DCUN1D4: variants seen among roughly 807,000 people sequenced by gnomAD.
DCUN1D4 encodes the protein DCN1-like protein 4.
Under a neutral mutation model 47.9 loss-of-function variants are expected in DCUN1D4, and 22 were observed. The ratio of observed to expected loss-of-function variants is 0.46; its 90% CI spans 0.33 to 0.66. The LOEUF is 0.66. DCUN1D4 is among the 30% of genes least tolerant of loss of function. DCUN1D4 has a pLI of 0.02. For synonymous variants in DCUN1D4, 121 were observed against 112.2 expected, an observed-to-expected ratio of 1.08 and a Z score of -0.50; for missense variants, 301 against 340.8, an observed-to-expected ratio of 0.88 and a Z score of 0.92.
chr4:51,867,692 C>T (rs529419446), intron 3 of DCUN1D4, among the ~76,000 whole-genome samples: 86 of 152,230 alleles, frequency 5.6e-4, no homozygotes, highest in African/African-American at 2.0e-3. Flanking sequence ...GGAGAAAGCA[C>T]GTGCTGATTG....
chr4:51,913,480 T>C (rs1430645540), intron 10 of DCUN1D4, 49 bp from the exon 11 acceptor site: 8 of 1,558,364 alleles, frequency 5.1e-6, no homozygotes, highest in Non-Finnish European at 7.0e-6. Context: ...ACTATTATTA[T>C]TATTGTTATT....
chr4:51,834,082 C>T, the DCUN1D4 span, among the ~76,000 whole-genome samples: 23 of 57,266 alleles, frequency 4.0e-4, no homozygotes, highest in South Asian at 1.4e-3. Flanking sequence ...CTCTCTCTCT[C>T]TCTCTTTTCT....
At chr4:51,876,868 G>A (rs1163917479) in intron 4 of DCUN1D4, among the ~76,000 whole-genome samples, 2 of 151,974 alleles carry the variant, frequency 1.3e-5, no homozygotes, top group African/African-American at 4.8e-5. Context: ...AATAAAAACT[G>A]TATTTATAAA....
At chr4:51,836,567 C>A in the DCUN1D4 span, among the ~76,000 whole-genome samples, 2 of 152,104 alleles carry the variant, frequency 1.3e-5, no homozygotes, top group African/African-American at 4.8e-5. Flanking sequence ...GGGTTCAGAT[C>A]TGAGTGTTGG....
intron 3 of DCUN1D4, among the ~76,000 whole-genome samples, chr4:51,869,196 A>G (rs1261372487): frequency 2.0e-5 from 3 of 148,996 alleles, no homozygotes; most frequent in Non-Finnish European, 4.4e-5. Flanking sequence ...ATGAGTAGGG[A>G]TGATGATGAT....
intron 8 of DCUN1D4, among the ~76,000 whole-genome samples, chr4:51,903,608 C>T (rs957266987): frequency 6.6e-6 from 1 of 152,112 alleles, no homozygotes; most frequent in Non-Finnish European, 1.5e-5. Context: ...TGCTCTTCTG[C>T]GACTACAGTT....
At chr4:51,864,606 C>T (rs1268681575) in intron 3 of DCUN1D4, among the ~76,000 whole-genome samples, 1 of 152,142 alleles carries the variant, frequency 6.6e-6, no homozygotes, top group Middle Eastern at 3.2e-3. Context: ...GTCTGTTCCT[C>T]ACTGATGGTG....
intron 8 of DCUN1D4, among the ~76,000 whole-genome samples, chr4:51,903,712 C>T (rs986659566): frequency 5.9e-5 from 9 of 152,096 alleles, no homozygotes; most frequent in Non-Finnish European, 1.2e-4. Context: ...CATTTTTAAT[C>T]ATTTTTATTA....
At chr4:51,847,741 A>T (rs375583161) in intron 1 of DCUN1D4, among the ~76,000 whole-genome samples, 3 of 151,808 alleles carry the variant, frequency 2.0e-5, no homozygotes, top group South Asian at 2.1e-4. Flanking sequence ...GATGCACGCC[A>T]CTGCACCCGG....
the DCUN1D4 span, among the ~76,000 whole-genome samples, chr4:51,835,352 G>A: frequency 6.6e-6 from 1 of 152,202 alleles, no homozygotes; most frequent in Non-Finnish European, 1.5e-5. Flanking sequence ...GGATTGTTGG[G>A]AAGATTAATG....
chr4:51,897,114 A>G (rs1731389433), intron 7 of DCUN1D4, among the ~76,000 whole-genome samples: 1 of 151,532 alleles, frequency 6.6e-6, no homozygotes, highest in African/African-American at 2.4e-5. Context: ...TTATCTCTCA[A>G]CTCTCTTAGC....
At chr4:51,910,963 A>G in intron 8 of DCUN1D4, 107 bp from the exon 9 acceptor site, 1 of 1,113,672 alleles carries the variant, frequency 9.0e-7, no homozygotes, top group Non-Finnish European at 1.4e-6. Context: ...GGTGTATGAT[A>G]AATGAGCTGT....
rs1232216566 is a variant in DCUN1D4, at chr4:51,911,013, A to G, written c.616-57A>G. The G allele has an allele frequency of 1.9e-5, 28 of 1,509,734 alleles. No individual in the cohort carries two copies. The South Asian group carries it at 2.3e-4, about 12-fold the overall frequency. 93.5% of individuals were successfully genotyped at this position (1,509,734 alleles called of 1,614,324 possible). ...TTGAAGTGAATACACATTTGCAATTATTGGAATTTATTATTTGGGGGCATC... is the reference window on the plus strand; with the variant it reads ...TTGAAGTGAATACACATTTGCAATTGTTGGAATTTATTATTTGGGGGCATC... On this transcript the variant is annotated intron_variant, in intron 8 of 10. Coordinates refer to ENST00000334635, the MANE Select transcript of DCUN1D4 (RefSeq NM_001040402.3).
intron 1 of DCUN1D4, chr4:51,844,993 C>G (rs1301033073): frequency 1.0e-6 from 1 of 985,414 alleles, no homozygotes; most frequent in Non-Finnish European, 1.2e-6. Flanking sequence ...AGAGGGAGAG[C>G]CCACGCCAGG....
chr4:51,847,817 C>T (rs1722788870), intron 1 of DCUN1D4, among the ~76,000 whole-genome samples: 1 of 152,084 alleles, frequency 6.6e-6, no homozygotes, highest in Non-Finnish European at 1.5e-5. Context: ...CTAGCAGACT[C>T]TCCTTTCATG....
chr4:51,887,761 T>C (rs1341262353), intron 6 of DCUN1D4, among the ~76,000 whole-genome samples: 1 of 152,116 alleles, frequency 6.6e-6, no homozygotes, highest in Non-Finnish European at 1.5e-5. Context: ...TTCACATTTT[T>C]TTCTTTAAAC....
chr4:51,843,380 C>T (rs1176472391), intron 1 of DCUN1D4, 113 bp downstream of exon 1: 9 of 1,372,410 alleles, frequency 6.6e-6, no homozygotes, highest in Non-Finnish European at 8.6e-6. Context: ...CCGGGAGCCC[C>T]TGCCTGGGAA....
intron 1 of DCUN1D4, chr4:51,848,299 G>C (rs1246860794): frequency 7.8e-7 from 1 of 1,288,870 alleles, no homozygotes; most frequent in East Asian, 5.5e-5. Context: ...GTTTGTGAAT[G>C]TGCACACGTC....
At chr4:51,893,584 G>A (rs924711883) in intron 7 of DCUN1D4, among the ~76,000 whole-genome samples, 1 of 151,980 alleles carries the variant, frequency 6.6e-6, no homozygotes, top group Non-Finnish European at 1.5e-5. Context: ...ACACCGCCAC[G>A]CCCGGCTGAT....
Sources: gnomAD v4.1 joint callset for allele counts (sites outside exome capture counted in the v4.1 genomes callset) on GRCh38, gnomAD v4.1.1 for gene constraint, MANE v1.5 for transcripts, NCBI Gene and HGNC (gene_info 2026-07-23, HGNC 2026-07-21) for gene names.